Variants in OPCML observed in about 807,000 individuals in gnomAD.
OPCML encodes opioid binding protein/cell adhesion molecule like.
OPCML carries 13 observed loss-of-function variants against 37.8 expected under a neutral mutation model. That is an observed-to-expected ratio of 0.34 (90% CI 0.22 to 0.55). The LOEUF (loss-of-function observed/expected upper bound fraction) is 0.55, where lower values mean the gene tolerates loss of function less well. Among genes scored for constraint, OPCML ranks in the 20% least tolerant of loss-of-function variants. The pLI is 0.91. For synonymous variants in OPCML, 176 were observed against 168.8 expected (o/e 1.04, Z -0.33); for missense variants, 341 against 435.6 (o/e 0.78, Z 1.93).
chr11:133,113,078 A>T (rs889570250), intron 1 of OPCML, among the ~76,000 whole-genome samples: 1 of 152,244 alleles, frequency 6.6e-6, no homozygotes, highest in African/African-American at 2.4e-5. Context: ...AAATACATTT[A>T]AAAATAACTC....
intron 2 of OPCML, among the ~76,000 whole-genome samples, chr11:132,827,987 A>C (rs1042089200): frequency 7.9e-5 from 12 of 152,124 alleles, no homozygotes; most frequent in Non-Finnish European, 1.6e-4. Context: ...CTCGCAAACA[A>C]CCAAGATGTC....
chr11:133,034,308 G>GGTGTGCGTGTGTGT (rs1555079927), intron 1 of OPCML, among the ~76,000 whole-genome samples: 1 of 143,436 alleles, frequency 7.0e-6, no homozygotes, highest in Non-Finnish European at 1.5e-5. Context: ...TGTATGTATA[G>GGTGTGCGTGTGTGT]GTGTGTGTGT....
At chr11:133,056,836 CTTAT>C (rs1948248393) in intron 1 of OPCML, among the ~76,000 whole-genome samples, 1 of 152,118 alleles carries the variant, frequency 6.6e-6, no homozygotes, top group Non-Finnish European at 1.5e-5. Context: ...AGGTGGCTTA[CTTAT>C]TTATTTAATT....
chr11:133,184,564 C>T (rs1241754752), intron 1 of OPCML, among the ~76,000 whole-genome samples: 1 of 152,048 alleles, frequency 6.6e-6, no homozygotes, highest in Admixed American at 6.6e-5. Context: ...AAGTGTGCTC[C>T]GCTGGCCCTC....
At chr11:132,430,885 C>G (rs921647542) in intron 7 of OPCML, among the ~76,000 whole-genome samples, 1 of 152,164 alleles carries the variant, frequency 6.6e-6, no homozygotes, top group Non-Finnish European at 1.5e-5. Flanking sequence ...CCAGAATCTT[C>G]CTTCTCTGCA....
intron 4 of OPCML, among the ~76,000 whole-genome samples, chr11:132,473,072 T>C (rs2096143055): frequency 6.6e-6 from 1 of 152,212 alleles, no homozygotes; most frequent in South Asian, 2.1e-4. Context: ...AGAGAACAGC[T>C]GTTTAATGCA....
intron 4 of OPCML, among the ~76,000 whole-genome samples, chr11:132,512,230 C>A (rs1375596788): frequency 3.3e-5 from 5 of 152,010 alleles, no homozygotes; most frequent in African/African-American, 9.7e-5. Context: ...AATGACAAGC[C>A]TGTGGAACAG....
At chr11:133,274,917 C>T (rs904252966) in intron 1 of OPCML, among the ~76,000 whole-genome samples, 9 of 152,244 alleles carry the variant, frequency 5.9e-5, no homozygotes, top group African/African-American at 1.4e-4. Flanking sequence ...TCAGGAATCC[C>T]GGGTGTCGTT....
At chr11:133,200,250 C>T (rs1473576180) in intron 1 of OPCML, among the ~76,000 whole-genome samples, 2 of 152,196 alleles carry the variant, frequency 1.3e-5, no homozygotes, top group Admixed American at 6.5e-5. Context: ...GTGCATGTCA[C>T]GTGGGCAGAG....
At chr11:132,725,329 C>T (rs552763937) in intron 2 of OPCML, among the ~76,000 whole-genome samples, 1 of 152,236 alleles carries the variant, frequency 6.6e-6, no homozygotes, top group African/African-American at 2.4e-5. Flanking sequence ...ACATTGGCCC[C>T]TTTTAGCCAT....
chr11:132,662,779 A>G (rs1377053799), intron 2 of OPCML, among the ~76,000 whole-genome samples: 1 of 152,214 alleles, frequency 6.6e-6, no homozygotes, highest in Non-Finnish European at 1.5e-5. Context: ...AATTGTGTCT[A>G]ACTTTACAAT....
At chr11:132,697,632 A>G (rs1023703167) in intron 2 of OPCML, among the ~76,000 whole-genome samples, 8 of 152,174 alleles carry the variant, frequency 5.3e-5, no homozygotes, top group Non-Finnish European at 8.8e-5. Flanking sequence ...ATTCCATTGT[A>G]TATTTTTATA....
At chr11:132,480,015 C>G (rs982889452) in intron 4 of OPCML, among the ~76,000 whole-genome samples, 1 of 152,140 alleles carries the variant, frequency 6.6e-6, no homozygotes, top group Non-Finnish European at 1.5e-5. Context: ...CAAAGCTGGA[C>G]GGAGAATGAC....
intron 2 of OPCML, among the ~76,000 whole-genome samples, chr11:132,805,680 T>C (rs1035716961): frequency 1.3e-5 from 2 of 152,124 alleles, no homozygotes; most frequent in African/African-American, 4.8e-5. Context: ...CAGCAAAAGT[T>C]TCACAGGCAA....
chr11:133,151,662 T>G (rs73596436), intron 1 of OPCML, among the ~76,000 whole-genome samples: 4,146 of 152,282 alleles, frequency 0.027, 175 homozygotes, highest in African/African-American at 0.096. Flanking sequence ...GCCCAAGCCC[T>G]GACCCTCCAC....
chr11:132,850,220 G>A (rs1244380932), intron 2 of OPCML, among the ~76,000 whole-genome samples: 1 of 152,240 alleles, frequency 6.6e-6, no homozygotes, highest in East Asian at 1.9e-4. Flanking sequence ...GCATCTCATG[G>A]AAGGAAAGCG....
chr11:132,425,273 T>C (rs928157538), intron 7 of OPCML, among the ~76,000 whole-genome samples: 2 of 152,208 alleles, frequency 1.3e-5, no homozygotes, highest in African/African-American at 4.8e-5. Flanking sequence ...GACAAATATT[T>C]TTTTTAAACC....
In OPCML at chr11:132,487,328, C is replaced by A. The variant is rs142222195; in HGVS notation, c.505+41733G>T. Among the ~76,000 whole-genome samples the A allele has an allele frequency of 4.5e-4, 68 of 152,302 alleles. 2 individuals are homozygous for A. The East Asian group carries it at 0.013, about 29-fold the overall frequency. The stretch of plus-strand genomic sequence containing the variant: ...TTCCAACATGTCACTGCCTCATTGC[C>A]TCCCGGGTCCTATAGGATCAAGTCC... On this transcript the variant is annotated intron_variant, in intron 4 of 7. Transcript: ENST00000524381.
chr11:132,950,227 A>G (rs1591840181), intron 1 of OPCML, among the ~76,000 whole-genome samples: 2 of 152,282 alleles, frequency 1.3e-5, no homozygotes, highest in East Asian at 1.9e-4. Flanking sequence ...AGAGGACTAG[A>G]TTGCAGGGGT....
Sources: gnomAD v4.1 joint callset for allele counts (sites outside exome capture counted in the v4.1 genomes callset) on GRCh38, gnomAD v4.1.1 for gene constraint, MANE v1.5 for transcripts, NCBI Gene and HGNC (gene_info 2026-07-23, HGNC 2026-07-21) for gene names.